The following HDAC9 variants were observed in gnomAD, a reference collection of about 807,000 sequenced individuals.
HDAC9 encodes histone deacetylase 9, also known as MEF-2 interacting transcription repressor (MITR) protein.
A neutral mutation model predicts 139.4 loss-of-function variants in HDAC9; 41 were observed. That is an observed-to-expected ratio of 0.29 (90% CI 0.23 to 0.38). HDAC9 has a LOEUF of 0.38. Among genes scored for constraint, HDAC9 ranks in the 10% least tolerant of loss-of-function variants. The pLI, the probability that HDAC9 is intolerant of heterozygous loss-of-function variation, is 1.00. For missense variants in HDAC9, 1,147 were observed against 1,297.0 expected, an observed-to-expected ratio of 0.88 and a Z score of 1.78; for synonymous variants, 517 against 476.2, an observed-to-expected ratio of 1.09 and a Z score of -1.12.
intron 1 of HDAC9, among the ~76,000 whole-genome samples, chr7:18,479,277 A>T (rs1282511409): frequency 6.6e-6 from 1 of 152,002 alleles, no homozygotes; most frequent in Non-Finnish European, 1.5e-5. Context: ...CTTGGAATTG[A>T]TTTTCTGAGT....
At chr7:18,404,902 G>T (rs539413249) in intron 1 of HDAC9, among the ~76,000 whole-genome samples, 1 of 152,290 alleles carries the variant, frequency 6.6e-6, no homozygotes, top group South Asian at 2.1e-4. Context: ...AGGGTTGTGG[G>T]TGTCCAGAGC....
At chr7:18,457,504 A>G (rs1351704963) in intron 1 of HDAC9, among the ~76,000 whole-genome samples, 1 of 152,250 alleles carries the variant, frequency 6.6e-6, no homozygotes, top group East Asian at 1.9e-4. Flanking sequence ...TTTTAAAAAT[A>G]ATCTAATTAT....
intron 22 of HDAC9, among the ~76,000 whole-genome samples, chr7:18,898,474 T>C (rs902065576): frequency 2.0e-5 from 3 of 151,942 alleles, no homozygotes; most frequent in Non-Finnish European, 2.9e-5. Flanking sequence ...GTTTGAGGTA[T>C]GTGAAGGAGA....
chr7:18,704,139 A>G (rs1783706946), intron 12 of HDAC9, among the ~76,000 whole-genome samples: 1 of 152,218 alleles, frequency 6.6e-6, no homozygotes, highest in Non-Finnish European at 1.5e-5. Flanking sequence ...TGGTATAATC[A>G]GGACCCAGTG....
At chr7:18,268,053 G>A (rs1326064221) in intron 2 of HDAC9, among the ~76,000 whole-genome samples, 3 of 152,108 alleles carry the variant, frequency 2.0e-5, no homozygotes, top group Non-Finnish European at 2.9e-5. Context: ...GTGCTACTCA[G>A]TTATTGGAAT....
At chr7:18,324,548 G>A (rs1297753346) in intron 1 of HDAC9, among the ~76,000 whole-genome samples, 2 of 152,090 alleles carry the variant, frequency 1.3e-5, no homozygotes, top group African/African-American at 4.8e-5. Flanking sequence ...ATGGCTTACG[G>A]TTTTTCTTGG....
chr7:18,648,175 T>C (rs1408601124), intron 10 of HDAC9, among the ~76,000 whole-genome samples, 177 bp downstream of exon 10: 1 of 152,120 alleles, frequency 6.6e-6, no homozygotes, highest in African/African-American at 2.4e-5. Flanking sequence ...TCAGATCCAC[T>C]TGGGGTAGGA....
At chr7:18,100,492 A>G (rs1337790544) in intron 1 of HDAC9, among the ~76,000 whole-genome samples, 3 of 151,814 alleles carry the variant, frequency 2.0e-5, no homozygotes, top group African/African-American at 4.8e-5. Context: ...TTTCTTCTCC[A>G]TATGTTACAT....
At chr7:18,223,369 C>G (rs951593583) in intron 2 of HDAC9, among the ~76,000 whole-genome samples, 2 of 150,704 alleles carry the variant, frequency 1.3e-5, no homozygotes, top group African/African-American at 4.9e-5. Flanking sequence ...TGTTTGCATG[C>G]TAAGAGTAAA....
intron 1 of HDAC9, among the ~76,000 whole-genome samples, chr7:18,415,780 A>T (rs900810513): frequency 6.6e-6 from 1 of 152,180 alleles, no homozygotes; most frequent in Non-Finnish European, 1.5e-5. Context: ...TTTAATTCTG[A>T]AATAACTGAG....
intron 14 of HDAC9, among the ~76,000 whole-genome samples, chr7:18,754,844 T>A (rs1413954725): frequency 3.3e-5 from 5 of 152,124 alleles, no homozygotes; most frequent in African/African-American, 1.2e-4. Context: ...AATACCTCTT[T>A]GTTTTAAATC....
chr7:18,995,956 G>A, intron 25 of HDAC9, 67 bp from the exon 26 acceptor site: 1 of 1,180,926 alleles, frequency 8.5e-7, no homozygotes, highest in Admixed American at 2.0e-5. Flanking sequence ...CTTTGATTAT[G>A]CATGAAAATC....
chr7:18,742,836 G>T (rs1306726688), intron 13 of HDAC9, among the ~76,000 whole-genome samples: 1 of 151,780 alleles, frequency 6.6e-6, no homozygotes, highest in Non-Finnish European at 1.5e-5. Flanking sequence ...TAATTTCCTT[G>T]CAATCCCTGT....
intron 1 of HDAC9, among the ~76,000 whole-genome samples, chr7:18,318,247 C>T (rs181257579): frequency 2.0e-5 from 3 of 152,028 alleles, no homozygotes; most frequent in Non-Finnish European, 4.4e-5. Flanking sequence ...GTAGCTCAGG[C>T]CAAGGGATTA....
chr7:18,696,166 A>T (rs1371623534), intron 12 of HDAC9, among the ~76,000 whole-genome samples: 1 of 151,942 alleles, frequency 6.6e-6, no homozygotes, highest in African/African-American at 2.4e-5. Context: ...GGATACATTT[A>T]TATAGTATTC....
chr7:18,874,448 C>T lies in HDAC9; in HGVS notation c.2685-30C>T, dbSNP rs1420065821. The T allele has an allele frequency of 1.9e-5, 27 of 1,422,746 alleles. No homozygotes were observed. The Admixed American group carries it at 2.9e-4, about 15-fold the overall frequency. The allele number at this position is 1,422,746 out of a possible 1,614,324, so 88.1% of individuals were successfully genotyped here. On this transcript the variant is annotated intron_variant, in intron 21 of 25. Transcript: ENST00000686413. ...TTTTTAAAGGTATTCACCAGTCCCA[C>T]GTGTGACCGGTTGCATTTTTACTGT...
chr7:18,989,388 G>A (rs1193798316), intron 25 of HDAC9, among the ~76,000 whole-genome samples: 8 of 152,046 alleles, frequency 5.3e-5, no homozygotes, highest in Non-Finnish European at 1.2e-4. Context: ...GACCCCCACT[G>A]TCTTCTGGCT....
rs556881892 is a variant in HDAC9 at position 18,587,362 on chromosome 7, C to G, written c.264+1840C>G. Among the ~76,000 whole-genome samples, 5 of 151,984 alleles carry G rather than the reference C, an allele frequency of 3.3e-5. No individual in the cohort carries two copies. In the South Asian group the frequency reaches 1.0e-3, roughly 32 times the overall value. On this transcript the variant is annotated intron_variant, in intron 3 of 25. Coordinates refer to ENST00000686413, the MANE Select transcript of HDAC9 (RefSeq NM_178425.4). Reference sequence around the variant, plus strand: ...AAAATTTAGCTTTTAAAATGATTTTCCAAAATAATAATTTGTTTTCTTAGA... The same window carrying G: ...AAAATTTAGCTTTTAAAATGATTTTGCAAAATAATAATTTGTTTTCTTAGA...
At chr7:18,214,153 T>A (rs541394400) in intron 2 of HDAC9, among the ~76,000 whole-genome samples, 5 of 152,256 alleles carry the variant, frequency 3.3e-5, no homozygotes, top group African/African-American at 1.2e-4. Flanking sequence ...CAGATAAGGA[T>A]GTCACTATTA....
Sources: gnomAD v4.1 joint callset for allele counts (sites outside exome capture counted in the v4.1 genomes callset) on GRCh38, gnomAD v4.1.1 for gene constraint, MANE v1.5 for transcripts, NCBI Gene and HGNC (gene_info 2026-07-23, HGNC 2026-07-21) for gene names.